Variants in VTI1A observed in about 807,000 individuals in gnomAD.
The protein encoded by VTI1A is vesicle transport through interaction with t-SNAREs 1A.
In VTI1A, 22 loss-of-function variants were observed where a neutral mutation model predicts 34.9. That is an observed-to-expected ratio of 0.63 (90% CI 0.45 to 0.90). The LOEUF is 0.90. VTI1A is among the 40% of genes least tolerant of loss of function. The pLI, the probability that VTI1A is intolerant of heterozygous loss-of-function variation, is 0.00. For missense variants in VTI1A, 268 were observed against 275.6 expected (o/e 0.97, Z 0.20); for synonymous variants, 87 against 97.3 (o/e 0.89, Z 0.62).
intron 5 of VTI1A, among the ~76,000 whole-genome samples, chr10:112,599,113 T>C (rs1226148579): frequency 6.6e-5 from 10 of 152,204 alleles, no homozygotes; most frequent in Admixed American, 5.9e-4. Flanking sequence ...GAAACTTCTC[T>C]GATAAAGAAA....
chr10:112,840,109 TAGCTACACAAACAGCCCAGGAAGCC>T, the VTI1A span, among the ~76,000 whole-genome samples: 1,120 of 152,140 alleles, frequency 7.4e-3, 9 homozygotes, highest in Non-Finnish European at 0.01. Flanking sequence ...ACCAACCCCT[TAGCTACACAAACAGCCCAGGAAGCC>T]AGCTGGAATG....
rs370779938 is a variant in VTI1A at position 112,498,744 on chromosome 10, AT to A, written c.265-28333del. ...GGACGCAGTTAGAGTTTTGACCACC[AT>A]TTTTTTTTTGTTTGTTTGTTTATGT... On this transcript the variant is annotated intron_variant, in intron 3 of 7. Coordinates refer to ENST00000393077, the MANE Select transcript of VTI1A (RefSeq NM_145206.4). 8.2e-3 allele frequency among the ~76,000 whole-genome samples: 1,215 copies of A among 148,616 alleles called. 5 individuals carry two copies. Among genetic ancestry groups the A allele is most frequent in the Middle Eastern group, 0.021 (6 of 292 alleles).
At chr10:112,518,583 CTCTCTCTA>C (rs58623839) in intron 3 of VTI1A, among the ~76,000 whole-genome samples, 8,836 of 82,106 alleles carry the variant, frequency 0.11, 217 homozygotes, top group Non-Finnish European at 0.14. Flanking sequence ...CTCTCTCTCT[CTCTCTCTA>C]TATATATATA....
chr10:112,839,330 C>T, the VTI1A span, among the ~76,000 whole-genome samples: 1 of 152,258 alleles, frequency 6.6e-6, no homozygotes, highest in East Asian at 1.9e-4. Flanking sequence ...GGTGGGGTCC[C>T]GGCCTGCAGG....
chr10:112,822,764 G>A (rs1314502712), downstream of VTI1A, among the ~76,000 whole-genome samples: 2 of 152,164 alleles, frequency 1.3e-5, no homozygotes, highest in African/African-American at 2.4e-5. Context: ...TATTATCCCC[G>A]ACAAGACTTC....
At chr10:112,558,309 C>T (rs1276467857) in intron 5 of VTI1A, among the ~76,000 whole-genome samples, 1 of 152,010 alleles carries the variant, frequency 6.6e-6, no homozygotes, top group Non-Finnish European at 1.5e-5. Context: ...TCCTGTCGTC[C>T]TTTAATTTTT....
Position 112,447,304 on chromosome 10 carries a change from C to A in VTI1A, c.-70C>A. 2 of 1,527,152 alleles carry A rather than the reference C, an allele frequency of 1.3e-6. No individual in the cohort carries two copies. The highest frequency in any genetic ancestry group is 1.8e-6 in the Non-Finnish European group (2 of 1,127,060). The allele number at this position is 1,527,152 out of a possible 1,614,324, so 94.6% of individuals were successfully genotyped here. On this transcript the variant is annotated 5_prime_UTR_variant, in exon 1 of 8. Coordinates refer to ENST00000393077, the MANE Select transcript of VTI1A (RefSeq NM_145206.4). ...CTTCCGGGGTTCCTAAGCCGCGGGGCCCCTCGCTGCCCCTCGAGGCCCTTT... is the reference window on the plus strand; with the variant it reads ...CTTCCGGGGTTCCTAAGCCGCGGGGACCCTCGCTGCCCCTCGAGGCCCTTT...
chr10:112,767,822 A>G lies in VTI1A; in HGVS notation c.561-47468A>G, dbSNP rs908717260. Reference sequence around the variant, plus strand: ...CACAAACTTCATGTAAGGCATGGTGAGATGATATAAAGGCCAAAATGTTCT... The same window carrying G: ...CACAAACTTCATGTAAGGCATGGTGGGATGATATAAAGGCCAAAATGTTCT... On this transcript the variant is annotated intron_variant, in intron 7 of 7. Coordinates refer to ENST00000393077, the MANE Select transcript of VTI1A (RefSeq NM_145206.4). The surrounding 1 kb of genome is among the most constrained non-coding windows in gnomAD (Gnocchi z 4.0). 3.9e-5 allele frequency among the ~76,000 whole-genome samples: 6 copies of G among 152,176 alleles called. 1 individual carries two copies. Among genetic ancestry groups the G allele is most frequent in the Non-Finnish European group, 8.8e-5 (6 of 68,026 alleles).
intron 7 of VTI1A, among the ~76,000 whole-genome samples, chr10:112,807,637 T>C (rs1176459912): frequency 6.6e-6 from 1 of 152,124 alleles, no homozygotes; most frequent in African/African-American, 2.4e-5. Context: ...GAGGATCACC[T>C]GAGGTCAGGA....
chr10:112,724,982 A>G (rs1849964811), intron 7 of VTI1A, among the ~76,000 whole-genome samples: 1 of 152,046 alleles, frequency 6.6e-6, no homozygotes, highest in Non-Finnish European at 1.5e-5. Context: ...CAGATGTCTG[A>G]TTTTACCTGT....
At chr10:112,488,998 C>T (rs1159365528) in intron 3 of VTI1A, among the ~76,000 whole-genome samples, 1 of 152,166 alleles carries the variant, frequency 6.6e-6, no homozygotes, top group East Asian at 1.9e-4. Context: ...CTCATCTGTA[C>T]AATGAAGTGC....
chr10:112,763,333 G>A (rs986525873), intron 7 of VTI1A, among the ~76,000 whole-genome samples: 9 of 151,910 alleles, frequency 5.9e-5, no homozygotes, highest in South Asian at 2.1e-4. Flanking sequence ...CCAGCTACTC[G>A]GGAGGCTGAG....
chr10:112,770,965 G>C (rs376538898), intron 7 of VTI1A, among the ~76,000 whole-genome samples: 1 of 152,244 alleles, frequency 6.6e-6, no homozygotes, highest in Admixed American at 6.5e-5. Flanking sequence ...GAATGTTCTA[G>C]CTTCTCTCTA....
At chr10:112,830,847 A>AT in the VTI1A span, among the ~76,000 whole-genome samples, 164 of 30,970 alleles carry the variant, frequency 5.3e-3, 4 homozygotes, top group Admixed American at 0.032. Flanking sequence ...ATATATATAT[A>AT]TATTTTTTTT....
At chr10:112,786,006 C>T (rs1380141614) in intron 7 of VTI1A, among the ~76,000 whole-genome samples, 1 of 151,722 alleles carries the variant, frequency 6.6e-6, no homozygotes, top group African/African-American at 2.4e-5. Context: ...TTTCACCGCC[C>T]CCCCAAAAAA....
chr10:112,678,275 G>C (rs1015562752), intron 7 of VTI1A, among the ~76,000 whole-genome samples: 4 of 152,124 alleles, frequency 2.6e-5, no homozygotes, highest in African/African-American at 9.7e-5. Context: ...AGAATATGAA[G>C]GGTGCACTTT....
At chr10:112,731,516 A>G (rs1003931791) in intron 7 of VTI1A, among the ~76,000 whole-genome samples, 5 of 151,470 alleles carry the variant, frequency 3.3e-5, no homozygotes, top group African/African-American at 9.7e-5. Flanking sequence ...TGGAGGTTGC[A>G]GTGAGCCGAG....
At chr10:112,538,479 C>T (rs1412249430) in intron 5 of VTI1A, 149 bp downstream of exon 5, 3 of 664,274 alleles carry the variant, frequency 4.5e-6, no homozygotes, top group Non-Finnish European at 5.2e-6. Flanking sequence ...AGCTTATTTG[C>T]GCTTATCTTT....
intron 5 of VTI1A, among the ~76,000 whole-genome samples, chr10:112,571,100 ATTTATC>A (rs1852100078): frequency 1.3e-5 from 2 of 152,248 alleles, no homozygotes; most frequent in South Asian, 2.1e-4. Context: ...GTTTATGGGT[ATTTATC>A]TTTATTTTAC....
Sources: gnomAD v4.1 joint callset for allele counts (sites outside exome capture counted in the v4.1 genomes callset) on GRCh38, gnomAD v4.1.1 for gene constraint, Gnocchi (gnomAD v3.1) non-coding constraint, MANE v1.5 for transcripts, NCBI Gene and HGNC (gene_info 2026-07-23, HGNC 2026-07-21) for gene names.